Variants in RAPGEF1 observed in about 807,000 individuals in gnomAD.
RAPGEF1 encodes the protein Rap guanine nucleotide exchange factor 1, also known as CRK SH3-binding GNRP.
RAPGEF1 carries 33 observed loss-of-function variants against 143.3 expected under a neutral mutation model. The observed-to-expected ratio is 0.23, with a 90% confidence interval of 0.17 to 0.31. The LOEUF (loss-of-function observed/expected upper bound fraction) is 0.31. RAPGEF1 is among the 10% of genes least tolerant of loss of function. The pLI is 1.00. For synonymous variants in RAPGEF1, 629 were observed against 676.5 expected (o/e 0.93, Z 1.09); for missense variants, 1,199 against 1,645.4 (o/e 0.73, Z 4.69).
chr9:131,697,904 C>G (rs990794285), intron 1 of RAPGEF1, among the ~76,000 whole-genome samples: 29 of 152,184 alleles, frequency 1.9e-4, no homozygotes, highest in African/African-American at 6.7e-4. Context: ...TGTGTCAGGG[C>G]CAGAAAGAGA....
At chr9:131,712,038 A>G (rs1441519775) in intron 1 of RAPGEF1, among the ~76,000 whole-genome samples, 1 of 152,234 alleles carries the variant, frequency 6.6e-6, no homozygotes, top group African/African-American at 2.4e-5. Flanking sequence ...TACAGAGATC[A>G]TTTTTGCAAA....
chr9:131,716,668 G>A (rs1335460066), intron 1 of RAPGEF1, among the ~76,000 whole-genome samples: 2 of 152,184 alleles, frequency 1.3e-5, no homozygotes, highest in Non-Finnish European at 2.9e-5. Flanking sequence ...AGCTACTCGG[G>A]GGGCTGAGGT....
chr9:131,655,180 T>C lies in RAPGEF1; in HGVS notation c.62-4231A>G, dbSNP rs1401723068. Among the ~76,000 whole-genome samples the C allele has an allele frequency of 2.6e-5, 4 of 152,178 alleles. No individual in the cohort carries two copies. Among genetic ancestry groups the C allele is most frequent in the Non-Finnish European group, 5.9e-5 (4 of 68,032 alleles). ...GCAGGATCAGATAAACTACCTGCCC[T>C]TTGCAAATTACCTAGGCACCCACTG... On this transcript the variant is annotated intron_variant, in intron 1 of 26. Transcript: ENST00000683357. This position sits in a 1 kb window ranked among gnomAD's most constrained non-coding sequence, Gnocchi z 4.1.
In RAPGEF1 at chr9:131,625,992, A is replaced by G; in HGVS notation, c.1632T>C (p.Asp544=). Residue 544 remains aspartate (D), a synonymous_variant, in exon 10 of 27, where the codon GAT becomes GAC. Coordinates refer to ENST00000683357, the MANE Select transcript of RAPGEF1 (RefSeq NM_001377935.1). ...CACCGGTTGACTCAGGAGCAGTAAA[A>G]TCACCCACAAATTCGACAGGGGCTG... is the stretch of plus-strand genomic sequence containing the variant. ...GSSAPVEFVG[D]FTAPESTGDP... is the part of the protein sequence containing the mutation. 1 of 1,609,114 alleles carries G rather than the reference A, an allele frequency of 6.2e-7. No homozygotes were observed. The highest frequency in any genetic ancestry group is 1.7e-5 in the Admixed American group (1 of 59,916).
intron 10 of RAPGEF1, among the ~76,000 whole-genome samples, chr9:131,623,591 C>A (rs1251944517): frequency 5.9e-5 from 9 of 152,328 alleles, no homozygotes; most frequent in Admixed American, 5.9e-4. Context: ...AGGACCCAGT[C>A]CATTTCAAAA....
At chr9:131,716,799 C>T (rs138767017) in intron 1 of RAPGEF1, among the ~76,000 whole-genome samples, 3 of 152,168 alleles carry the variant, frequency 2.0e-5, no homozygotes, top group South Asian at 2.1e-4. Flanking sequence ...AAAAACCCCT[C>T]GATGCTTCCT....
At chr9:131,613,834 G>C (rs755409082) in intron 12 of RAPGEF1, among the ~76,000 whole-genome samples, 2 of 152,148 alleles carry the variant, frequency 1.3e-5, no homozygotes, top group Non-Finnish European at 2.9e-5. Flanking sequence ...GGTATGGACT[G>C]GTAGATGCTA....
chr9:131,672,613 G>A (rs1293650206), intron 1 of RAPGEF1, among the ~76,000 whole-genome samples: 1 of 152,188 alleles, frequency 6.6e-6, no homozygotes, highest in Admixed American at 6.5e-5. Context: ...CACATCTTGG[G>A]CCAAAGACGG....
In RAPGEF1 at chr9:131,619,104, C is replaced by T. The variant is rs1040159592; in HGVS notation, c.2008G>A (p.Val670Met). 108 of 1,352,906 alleles carry T rather than the reference C, an allele frequency of 8.0e-5. No homozygotes were observed. The highest frequency in any genetic ancestry group is 1.0e-4 in the Non-Finnish European group (103 of 1,016,010). The allele number at this position is 1,352,906 out of a possible 1,614,324, so 83.8% of individuals were successfully genotyped here. A position where few individuals can be genotyped will look rare whatever the true frequency, so the allele number is the denominator to read the frequency against. Reference protein sequence around the residue: ...EDGSAAQGLSVSVSNSFLSRH... With the variant: ...EDGSAAQGLSMSVSNSFLSRH... ...CTGAGAAAGGAGTTAGAGACGGACA[C>T]ACTGAGGCCCTGAGCGGCACTGCCG... Residue 670 changes from valine to methionine, a missense_variant, in exon 12 of 27, where the codon GTG becomes ATG. Physicochemically the swap from Val to Met is conservative, Grantham distance 21. This residue lies in a region of RAPGEF1 where 293 missense variants were observed against 356.2 expected (regional missense o/e 0.82). Coordinates refer to ENST00000683357, the MANE Select transcript of RAPGEF1 (RefSeq NM_001377935.1).
At chr9:131,692,957 T>C (rs1833887146) in intron 1 of RAPGEF1, among the ~76,000 whole-genome samples, 1 of 152,220 alleles carries the variant, frequency 6.6e-6, no homozygotes, top group African/African-American at 2.4e-5. Context: ...CATTATTTGA[T>C]CTAAATGATT....
chr9:131,579,311 A>T lies in RAPGEF1; in HGVS notation c.*186T>A. 1 of 776,094 alleles carries T rather than the reference A, an allele frequency of 1.3e-6. No individual in the cohort carries two copies. Among genetic ancestry groups the T allele is most frequent in the Non-Finnish European group, 2.1e-6 (1 of 484,066 alleles). The allele number at this position is 776,094 out of a possible 1,614,324, so 48.1% of individuals were successfully genotyped here. A position where few individuals can be genotyped will look rare whatever the true frequency, so the allele number is the denominator to read the frequency against. Reference sequence around the variant, plus strand: ...CCCTGAGGCCCACGGGTCTGCTCCCACAGAGGAAGGAGGCAGGAAGCGGCT... The same window carrying T: ...CCCTGAGGCCCACGGGTCTGCTCCCTCAGAGGAAGGAGGCAGGAAGCGGCT... On this transcript the variant is annotated 3_prime_UTR_variant, in exon 27 of 27. Transcript: ENST00000683357.
chr9:131,613,563 G>A (rs570246631), intron 12 of RAPGEF1, among the ~76,000 whole-genome samples: 21 of 152,328 alleles, frequency 1.4e-4, no homozygotes, highest in African/African-American at 4.6e-4. Flanking sequence ...GGAGAGAAGC[G>A]GACCCGCTCA....
chr9:131,693,482 G>A (rs1160897133), intron 1 of RAPGEF1, among the ~76,000 whole-genome samples: 1 of 151,790 alleles, frequency 6.6e-6, no homozygotes, highest in Non-Finnish European at 1.5e-5. Flanking sequence ...CCCCAAACAG[G>A]CCAGTTGTAG....
In RAPGEF1 at chr9:131,621,812, G is replaced by T. The variant is rs374656307; in HGVS notation, c.1889C>A (p.Pro630His). ...QELAPPPALP[P>H]KQRQLASCAA... The stretch of plus-strand genomic sequence containing the variant: ...GTCACTCACCAGCTGCCGCTGCTTG[G>T]GGGGTAGGGCGGGCGGCGGGGCCAG... The change falls in exon 11 of 27, where the codon CCC becomes CAC. Residue 630 changes from proline to histidine, a missense_variant. Pro to His is a moderately conservative substitution (Grantham distance 77). Transcript: ENST00000683357. The surrounding 1 kb of genome is among the most constrained non-coding windows in gnomAD (Gnocchi z 4.5). 5.0e-6 allele frequency: 8 copies of T among 1,607,538 alleles called. No homozygotes were observed. Among genetic ancestry groups the T allele is most frequent in the East Asian group, 2.2e-5 (1 of 44,590 alleles).
chr9:131,592,546 C>A (rs1954507804), intron 17 of RAPGEF1, among the ~76,000 whole-genome samples: 1 of 152,116 alleles, frequency 6.6e-6, no homozygotes, highest in Non-Finnish European at 1.5e-5. Flanking sequence ...ACGAGTGACG[C>A]CTGCCCTAGG....
chr9:131,733,532 G>C (rs1837224797), intron 1 of RAPGEF1, among the ~76,000 whole-genome samples: 1 of 152,170 alleles, frequency 6.6e-6, no homozygotes, highest in Admixed American at 6.5e-5. Flanking sequence ...TTCTCAAACA[G>C]ATGACCAGAA....
At chr9:131,687,113 G>C (rs1340950303) in intron 1 of RAPGEF1, among the ~76,000 whole-genome samples, 1 of 152,144 alleles carries the variant, frequency 6.6e-6, no homozygotes, top group Non-Finnish European at 1.5e-5. Context: ...ATGCAAGCCT[G>C]GACAACAGAT....
At chr9:131,614,650 G>T (rs1958620810) in intron 12 of RAPGEF1, among the ~76,000 whole-genome samples, 1 of 152,240 alleles carries the variant, frequency 6.6e-6, no homozygotes, top group East Asian at 1.9e-4. Flanking sequence ...GCCATGGCAT[G>T]GGGACTGAGC....
intron 25 of RAPGEF1, 45 bp downstream of exon 25, chr9:131,582,560 G>C (rs781159521): frequency 4.3e-6 from 6 of 1,380,246 alleles, no homozygotes; most frequent in Non-Finnish European, 9.7e-7. Flanking sequence ...GAGCAATGGA[G>C]GCAAACCCAG....
Sources: allele counts gnomAD v4.1 joint callset (sites outside exome capture counted in the v4.1 genomes callset), GRCh38; gene constraint gnomAD v4.1.1; regional missense constraint gnomAD v4.1.1; non-coding constraint Gnocchi (gnomAD v3.1); transcripts MANE v1.5; gene names NCBI Gene and HGNC (gene_info 2026-07-23, HGNC 2026-07-21).